LTBP1: variants seen among roughly 807,000 people sequenced by gnomAD.
The protein encoded by LTBP1 is latent-transforming growth factor beta-binding protein 1.
LTBP1 carries 129 observed loss-of-function variants against 207.6 expected under a neutral mutation model. The ratio of observed to expected loss-of-function variants is 0.62; its 90% CI spans 0.54 to 0.72. The LOEUF is 0.72. LTBP1 is among the 30% of genes least tolerant of loss of function. The probability of loss-of-function intolerance (pLI) is 0.00; values close to 1 mark genes in which losing one functional copy is unlikely to be tolerated. For synonymous variants in LTBP1, 963 were observed against 833.7 expected, an observed-to-expected ratio of 1.16 and a Z score of -2.67; for missense variants, 2,281 against 2,217.2, an observed-to-expected ratio of 1.03 and a Z score of -0.58.
At chr2:33,287,858 T>C (rs78680881) in intron 19 of LTBP1, among the ~76,000 whole-genome samples, 2,257 of 152,318 alleles carry the variant, frequency 0.015, 21 homozygotes, top group East Asian at 0.026. Context: ...CAAATGCAGT[T>C]GAGGTGGTTT....
chr2:33,303,725 C>T (rs1330672305), intron 22 of LTBP1, among the ~76,000 whole-genome samples: 2 of 152,152 alleles, frequency 1.3e-5, no homozygotes, highest in Admixed American at 6.5e-5. Context: ...GGTTCGCCCT[C>T]CTATGAGAAT....
intron 2 of LTBP1, among the ~76,000 whole-genome samples, chr2:32,997,474 A>G (rs1272362561): frequency 6.6e-6 from 1 of 152,208 alleles, no homozygotes; most frequent in Non-Finnish European, 1.5e-5. Context: ...ATGCCGTTCC[A>G]GCCTGGCCAA....
intron 7 of LTBP1, among the ~76,000 whole-genome samples, chr2:33,194,685 CAAG>C (rs577258062): frequency 1.5e-3 from 227 of 152,304 alleles, no homozygotes; most frequent in African/African-American, 5.1e-3. Flanking sequence ...CATAAAAGTA[CAAG>C]GAGAAGCAGC....
chr2:33,186,742 C>T, intron 5 of LTBP1, 114 bp from the exon 6 acceptor site: 1 of 744,392 alleles, frequency 1.3e-6, no homozygotes, highest in Non-Finnish European at 2.3e-6. Context: ...TTCTAAAGGT[C>T]ATGGGACTCT....
intron 22 of LTBP1, among the ~76,000 whole-genome samples, chr2:33,306,584 A>G (rs1473677248): frequency 6.6e-6 from 1 of 151,976 alleles, no homozygotes; most frequent in Non-Finnish European, 1.5e-5. Flanking sequence ...AAAAAAACCA[A>G]AAACCAGCAT....
chr2:33,287,567 A>G (rs1048489849), intron 19 of LTBP1, among the ~76,000 whole-genome samples: 1 of 152,232 alleles, frequency 6.6e-6, no homozygotes, highest in African/African-American at 2.4e-5. Flanking sequence ...ATGTAGTGGC[A>G]GTTGAGTTTT....
intron 3 of LTBP1, among the ~76,000 whole-genome samples, chr2:33,069,694 A>G (rs2077692312): frequency 6.6e-6 from 1 of 152,276 alleles, no homozygotes; most frequent in Admixed American, 6.5e-5. Context: ...GAAGAGAACA[A>G]GAATGAACAT....
intron 3 of LTBP1, among the ~76,000 whole-genome samples, chr2:33,050,739 T>C (rs1985873): frequency 0.021 from 3,108 of 146,442 alleles, 84 homozygotes; most frequent in African/African-American, 0.057. Context: ...GAAACTCTCT[T>C]TTTTTTTTTT....
intron 24 of LTBP1, chr2:33,317,753 A>G (rs1299554693): frequency 2.0e-5 from 3 of 152,212 alleles, no homozygotes; most frequent in African/African-American, 7.2e-5. Context: ...GCCCGGCTCT[A>G]AGCAGGGCTA....
intron 3 of LTBP1, among the ~76,000 whole-genome samples, chr2:33,022,114 A>T (rs1012347796): frequency 6.6e-6 from 1 of 152,128 alleles, no homozygotes; most frequent in East Asian, 1.9e-4. Flanking sequence ...CAGCTTCCAT[A>T]TGGTGATTAG....
intron 25 of LTBP1, among the ~76,000 whole-genome samples, chr2:33,343,303 T>G (rs1469760853): frequency 6.6e-6 from 1 of 150,840 alleles, no homozygotes; most frequent in African/African-American, 2.4e-5. Flanking sequence ...CCCAACTACT[T>G]GGGAGGCCGA....
intron 31 of LTBP1, among the ~76,000 whole-genome samples, chr2:33,367,447 T>A (rs28437398): frequency 0.28 from 41,832 of 152,044 alleles, 7,880 homozygotes; most frequent in African/African-American, 0.54. Flanking sequence ...TTGTGTACCC[T>A]TAACAATAGC....
At chr2:33,100,890 G>A (rs1360725189) in intron 3 of LTBP1, among the ~76,000 whole-genome samples, 7 of 152,166 alleles carry the variant, frequency 4.6e-5, no homozygotes, top group African/African-American at 1.7e-4. Context: ...TTTCTTTTTA[G>A]GATTAGATAA....
At chr2:33,329,312 A>G (rs2094467071) in intron 24 of LTBP1, among the ~76,000 whole-genome samples, 1 of 152,134 alleles carries the variant, frequency 6.6e-6, no homozygotes, top group Non-Finnish European at 1.5e-5. Context: ...TGTTTCTGTT[A>G]TCTAATTCTG....
chr2:33,309,692 C>A, intron 23 of LTBP1, 136 bp downstream of exon 23: 4 of 1,013,062 alleles, frequency 3.9e-6, no homozygotes, highest in South Asian at 1.5e-5. Flanking sequence ...ATTAAAATAG[C>A]TGTCTTGGGT....
At chr2:33,325,792 T>C (rs1046403904) in intron 24 of LTBP1, among the ~76,000 whole-genome samples, 6 of 152,222 alleles carry the variant, frequency 3.9e-5, no homozygotes, top group African/African-American at 7.2e-5. Context: ...ACTCCACTTT[T>C]TTGACATTGT....
intron 19 of LTBP1, among the ~76,000 whole-genome samples, chr2:33,283,504 T>G (rs961813083): frequency 3.0e-5 from 4 of 132,098 alleles, no homozygotes; most frequent in African/African-American, 1.1e-4. Flanking sequence ...TGGCGCCATC[T>G]CAGCTCACTG....
intron 20 of LTBP1, among the ~76,000 whole-genome samples, chr2:33,298,231 A>G (rs1169153555): frequency 6.6e-6 from 1 of 152,244 alleles, no homozygotes; most frequent in Non-Finnish European, 1.5e-5. Context: ...GGTCATTTTA[A>G]AGACCCAAAG....
chr2:33,280,529 A>C (rs956043624), intron 19 of LTBP1, among the ~76,000 whole-genome samples: 5 of 152,162 alleles, frequency 3.3e-5, no homozygotes, highest in African/African-American at 9.7e-5. Flanking sequence ...CACACACACA[A>C]ATTTTCAACA....
Sources: allele counts gnomAD v4.1 joint callset (sites outside exome capture counted in the v4.1 genomes callset), GRCh38; gene constraint gnomAD v4.1.1; transcripts MANE v1.5; gene names NCBI Gene and HGNC (gene_info 2026-07-23, HGNC 2026-07-21).